ATRNL1: variants seen among roughly 807,000 people sequenced by gnomAD.
The protein encoded by ATRNL1 is attractin-like protein 1.
Under a neutral mutation model 182.7 loss-of-function variants are expected in ATRNL1, and 95 were observed. That is an observed-to-expected ratio of 0.52 (90% CI 0.44 to 0.62). The LOEUF (loss-of-function observed/expected upper bound fraction) is 0.62. Among genes scored for constraint, ATRNL1 ranks in the 20% least tolerant of loss-of-function variants. ATRNL1 has a pLI of 0.00. For missense variants in ATRNL1, 1,471 were observed against 1,679.5 expected, an observed-to-expected ratio of 0.88 and a Z score of 2.17; for synonymous variants, 576 against 568.3, an observed-to-expected ratio of 1.01 and a Z score of -0.19.
chr10:115,933,197 A>G (rs1953457115), intron 28 of ATRNL1, among the ~76,000 whole-genome samples: 1 of 152,240 alleles, frequency 6.6e-6, no homozygotes, highest in Admixed American at 6.5e-5. Context: ...TGCTAGACAC[A>G]AGATCAAGTC....
intron 27 of ATRNL1, among the ~76,000 whole-genome samples, chr10:115,822,474 A>C (rs1555090731): frequency 1.3e-5 from 2 of 152,202 alleles, no homozygotes; most frequent in Non-Finnish European, 2.9e-5. Context: ...CCCTTCAAAA[A>C]AATCAGTGAA....
chr10:115,734,586 T>C (rs1208966183), intron 27 of ATRNL1, among the ~76,000 whole-genome samples: 1 of 152,112 alleles, frequency 6.6e-6, no homozygotes, highest in Non-Finnish European at 1.5e-5. Context: ...TCATTCGATA[T>C]CTTTCTTCAT....
intron 26 of ATRNL1, among the ~76,000 whole-genome samples, chr10:115,626,013 T>C (rs1165832655): frequency 6.6e-6 from 1 of 152,188 alleles, no homozygotes; most frequent in Non-Finnish European, 1.5e-5. Flanking sequence ...GTAAATATTT[T>C]ACTAATAATA....
chr10:115,502,856 A>G (rs1253940693), intron 24 of ATRNL1, among the ~76,000 whole-genome samples: 2 of 152,148 alleles, frequency 1.3e-5, no homozygotes, highest in Admixed American at 6.6e-5. Context: ...ACAAAACTGC[A>G]TGTTCTGCAT....
At chr10:115,813,804 G>C (rs1950103057) in intron 27 of ATRNL1, among the ~76,000 whole-genome samples, 1 of 152,024 alleles carries the variant, frequency 6.6e-6, no homozygotes, top group Non-Finnish European at 1.5e-5. Flanking sequence ...AATGTGGTTG[G>C]TCTATTTATA....
chr10:115,734,844 G>T (rs1448442373), intron 27 of ATRNL1, among the ~76,000 whole-genome samples: 1 of 151,764 alleles, frequency 6.6e-6, no homozygotes, highest in Non-Finnish European at 1.5e-5. Context: ...ATCCTCAATT[G>T]ATTTGCATGT....
intron 15 of ATRNL1, among the ~76,000 whole-genome samples, chr10:115,289,270 G>T (rs930503398): frequency 6.6e-6 from 1 of 152,126 alleles, no homozygotes; most frequent in Non-Finnish European, 1.5e-5. Flanking sequence ...CCCACAACAC[G>T]TGGTAATTCA....
At chr10:115,316,204 C>T (rs902501633) in intron 18 of ATRNL1, among the ~76,000 whole-genome samples, 1 of 152,246 alleles carries the variant, frequency 6.6e-6, no homozygotes, top group Non-Finnish European at 1.5e-5. Flanking sequence ...TGAGAACATG[C>T]AGTGTTTCGT....
intron 5 of ATRNL1, among the ~76,000 whole-genome samples, chr10:115,154,484 T>A (rs1325604037): frequency 6.6e-6 from 1 of 152,154 alleles, no homozygotes; most frequent in Non-Finnish European, 1.5e-5. Context: ...ATACCATTCT[T>A]CGAAGAAGAA....
intron 24 of ATRNL1, among the ~76,000 whole-genome samples, chr10:115,511,690 T>G (rs1850393842): frequency 6.6e-6 from 1 of 151,926 alleles, no homozygotes; most frequent in Admixed American, 6.6e-5. Flanking sequence ...TTAATGCAAC[T>G]TTTTTATAAA....
In ATRNL1 at chr10:115,442,270, G is replaced by GCTCTCTCTCTCTCTCT. The variant is rs71895625; in HGVS notation, c.3322+15987_3322+16002dup. Reference sequence around the variant, plus strand: ...CGCAGCTTCATTTTCATTTGTGTTTGCTCTCTCTCTCTCTCTCTCTCTCTC... The same window carrying GCTCTCTCTCTCTCTCT: ...CGCAGCTTCATTTTCATTTGTGTTTGCTCTCTCTCTCTCTCTCTCTCTCTCTCTCTCTCTCTCTCTC... On this transcript the variant is annotated intron_variant, in intron 21 of 28. Transcript: ENST00000355044. Among the ~76,000 whole-genome samples, 709 of 100,272 alleles carry GCTCTCTCTCTCTCTCT rather than the reference G, an allele frequency of 7.1e-3. 19 individuals carry two copies. The highest frequency in any genetic ancestry group is 0.029 in the African/African-American group (664 of 22,520). The allele number at this position is 100,272 out of a possible 152,430, so 65.8% of individuals were successfully genotyped here.
At chr10:115,905,481 C>T (rs1204981621) in intron 28 of ATRNL1, among the ~76,000 whole-genome samples, 1 of 151,804 alleles carries the variant, frequency 6.6e-6, no homozygotes, top group East Asian at 1.9e-4. Context: ...CCACCCACCT[C>T]GGCCTCCCAA....
intron 27 of ATRNL1, among the ~76,000 whole-genome samples, chr10:115,800,502 T>G (rs972626718): frequency 1.4e-4 from 21 of 152,236 alleles, no homozygotes; most frequent in African/African-American, 5.1e-4. Flanking sequence ...TTACCATCTG[T>G]TTTTTTCAAC....
intron 26 of ATRNL1, among the ~76,000 whole-genome samples, chr10:115,645,553 T>C (rs1199599002): frequency 6.6e-6 from 1 of 150,768 alleles, no homozygotes; most frequent in Non-Finnish European, 1.5e-5. Context: ...CTTTTTTGAA[T>C]GCATATAAAA....
chr10:115,898,361 T>C (rs1952261000), intron 28 of ATRNL1, among the ~76,000 whole-genome samples: 1 of 152,228 alleles, frequency 6.6e-6, no homozygotes, highest in Non-Finnish European at 1.5e-5. Flanking sequence ...CAAAATCCAG[T>C]TTGCACCATG....
intron 5 of ATRNL1, among the ~76,000 whole-genome samples, chr10:115,136,437 T>A (rs1049519573): frequency 1.3e-5 from 2 of 152,232 alleles, no homozygotes; most frequent in Non-Finnish European, 2.9e-5. Context: ...GAGCTCACAC[T>A]GACAAATCAT....
intron 26 of ATRNL1, among the ~76,000 whole-genome samples, chr10:115,691,786 T>G (rs1265320569): frequency 6.6e-6 from 1 of 152,202 alleles, no homozygotes; most frequent in Non-Finnish European, 1.5e-5. Context: ...AAATTTTGGG[T>G]TTTTTTCTTA....
intron 27 of ATRNL1, among the ~76,000 whole-genome samples, chr10:115,743,404 G>A (rs900438952): frequency 7.7e-6 from 1 of 130,354 alleles, no homozygotes; most frequent in Non-Finnish European, 1.6e-5. Flanking sequence ...TTGTTCTCTT[G>A]TCCTAGAGGA....
intron 28 of ATRNL1, among the ~76,000 whole-genome samples, chr10:115,886,278 C>T (rs1951942726): frequency 6.6e-6 from 1 of 152,184 alleles, no homozygotes; most frequent in African/African-American, 2.4e-5. Context: ...TCACAGCAGA[C>T]AGCAATCAAG....
Sources: allele counts gnomAD v4.1 joint callset (sites outside exome capture counted in the v4.1 genomes callset), GRCh38; gene constraint gnomAD v4.1.1; transcripts MANE v1.5; gene names NCBI Gene and HGNC (gene_info 2026-07-23, HGNC 2026-07-21).